CCDC197: variants seen among roughly 807,000 people sequenced by gnomAD.
CCDC197 encodes coiled-coil domain containing 197.
Under a neutral mutation model 13.4 loss-of-function variants are expected in CCDC197, and 24 were observed. The ratio of observed to expected loss-of-function variants is 1.80; its 90% CI spans 1.30 to 2.53. CCDC197 has a LOEUF of 2.53. Ranked by LOEUF, CCDC197 falls within the 30% of genes most tolerant of loss-of-function variation. CCDC197 has a pLI of 0.00. For synonymous variants in CCDC197, 99 were observed against 55.5 expected, an observed-to-expected ratio of 1.78 and a Z score of -3.48; for missense variants, 255 against 148.8, an observed-to-expected ratio of 1.71 and a Z score of -3.71.
upstream of CCDC197, among the ~76,000 whole-genome samples, chr14:93,996,390 C>T (rs61980704): frequency 0.042 from 6,374 of 152,150 alleles, 200 homozygotes; most frequent in African/African-American, 0.084. Flanking sequence ...GGGGATGAGT[C>T]CAAACCCCTG....
At chr14:93,990,598 T>G (rs952463228) in intron 1 of CCDC197, among the ~76,000 whole-genome samples, 6 of 152,138 alleles carry the variant, frequency 3.9e-5, no homozygotes, top group Non-Finnish European at 7.4e-5. Context: ...CAAGGTCAGG[T>G]AGTCCCATGG....
At chr14:93,994,291 C>T (rs1298134774), upstream of CCDC197, among the ~76,000 whole-genome samples, 3 of 152,204 alleles carry the variant, frequency 2.0e-5, no homozygotes, top group Non-Finnish European at 4.4e-5. Context: ...TCATTTTGTA[C>T]TGAGCCCCAC....
At chr14:94,009,596 G>A (rs1348696693), downstream of CCDC197, among the ~76,000 whole-genome samples, 1 of 152,158 alleles carries the variant, frequency 6.6e-6, no homozygotes, top group African/African-American at 2.4e-5. Flanking sequence ...AGACATGGTG[G>A]CACACACCTG....
At chr14:94,010,093 A>G (rs1307906008), downstream of CCDC197, among the ~76,000 whole-genome samples, 3 of 152,220 alleles carry the variant, frequency 2.0e-5, no homozygotes, top group Non-Finnish European at 4.4e-5. Flanking sequence ...GTGGGGGATA[A>G]GTCAGGCTTG....
intron 3 of CCDC197, 103 bp from the exon 4 acceptor site, chr14:94,001,042 G>T: frequency 1.6e-6 from 1 of 638,810 alleles, no homozygotes; most frequent in Non-Finnish European, 2.9e-6. Flanking sequence ...GGACTGTCTG[G>T]CACCTCTCAA....
chr14:94,001,771 A>G (rs1019722670), intron 4 of CCDC197: 2 of 153,808 alleles, frequency 1.3e-5, no homozygotes, highest in African/African-American at 4.8e-5. Context: ...TAGTTATCGC[A>G]TAATAAATAG....
intron 2 of CCDC197, 172 bp from the exon 3 acceptor site, chr14:93,999,411 G>A (rs1890420646): frequency 1.2e-5 from 7 of 590,576 alleles, no homozygotes; most frequent in Non-Finnish European, 2.1e-5. Flanking sequence ...TTGCTCAGCA[G>A]TGAAATGAAG....
In CCDC197 at chr14:94,008,846, G is replaced by C. The variant is rs983731576; in HGVS notation, c.*34G>C. The C allele has an allele frequency of 4.4e-6, 3 of 682,674 alleles. No individual in the cohort carries two copies. The highest frequency in any genetic ancestry group is 2.0e-5 in the Admixed American group (1 of 49,160). 42.3% of individuals were successfully genotyped at this position (682,674 alleles called of 1,614,324 possible). On this transcript the variant is annotated 3_prime_UTR_variant, in exon 7 of 7. Coordinates refer to ENST00000636493, the MANE Select transcript of CCDC197 (RefSeq NM_001351596.2). Reference sequence around the variant, plus strand: ...CGCCTTGCAGGCCCCATGGCATCACGACCTCTCCTTACCTGCCTGCCTCCT... The same window carrying C: ...CGCCTTGCAGGCCCCATGGCATCACCACCTCTCCTTACCTGCCTGCCTCCT...
chr14:93,988,761 TTGGGAGAGGGAATGGGAGAAGGGGA>T (rs1567039151), intron 1 of CCDC197, among the ~76,000 whole-genome samples: 1 of 28,772 alleles, frequency 3.5e-5, no homozygotes, highest in African/African-American at 1.5e-4. Context: ...GAAGGAGGGG[TTGGGAGAGGGAATGGGAGAAGGGGA>T]TGGGAGGAGA....
chr14:94,000,978 G>C lies in CCDC197; in HGVS notation c.188-167G>C, dbSNP rs572306600. Reference sequence around the variant, plus strand: ...AGGGGGCGGGAGGGCGGGGGGGCGGGTGTGGATGGCAAGCCCGGGACCATC... The same window carrying C: ...AGGGGGCGGGAGGGCGGGGGGGCGGCTGTGGATGGCAAGCCCGGGACCATC... On this transcript the variant is annotated intron_variant, in intron 3 of 6. Transcript: ENST00000636493. 233 of 422,160 alleles carry C rather than the reference G, an allele frequency of 5.5e-4. 5 individuals are homozygous for C. The highest frequency in any genetic ancestry group is 5.2e-3 in the African/African-American group (192 of 37,244). The allele number at this position is 422,160 out of a possible 1,614,324, so 26.2% of individuals were successfully genotyped here. A position where few individuals can be genotyped will look rare whatever the true frequency, so the allele number is the denominator to read the frequency against.
At chr14:94,006,701 C>G (rs572448364) in intron 6 of CCDC197, among the ~76,000 whole-genome samples, 1 of 152,182 alleles carries the variant, frequency 6.6e-6, no homozygotes, top group Admixed American at 6.5e-5. Context: ...TTTTTGCATT[C>G]TGGATACAGG....
At chr14:93,992,548 C>T (rs1312758248), upstream of CCDC197, among the ~76,000 whole-genome samples, 1 of 152,214 alleles carries the variant, frequency 6.6e-6, no homozygotes, top group Non-Finnish European at 1.5e-5. Flanking sequence ...CCCTGGTTCC[C>T]TCTGGTCAGA....
At position 94,006,065 on chromosome 14, in the gene CCDC197, G is replaced by A. The variant is rs534211824; in HGVS notation, c.615+1094G>A. Among the ~76,000 whole-genome samples, 12 of 152,220 alleles carry A rather than the reference G, an allele frequency of 7.9e-5. No homozygotes were observed. In the East Asian group the frequency reaches 1.3e-3, roughly 17 times the overall value. ...TCTCTTAACTCTATGTTTAACATTC[G>A]AAGAACTGCCAAACTCTTTTCCAAA... On this transcript the variant is annotated intron_variant, in intron 6 of 6. Coordinates refer to ENST00000636493, the MANE Select transcript of CCDC197 (RefSeq NM_001351596.2).
upstream of CCDC197, among the ~76,000 whole-genome samples, chr14:93,995,352 G>A (rs1052961285): frequency 1.3e-5 from 2 of 152,186 alleles, no homozygotes; most frequent in Admixed American, 6.5e-5. Flanking sequence ...AGACTTGGGG[G>A]TGATGGGGTT....
At position 94,004,972 on chromosome 14, in the gene CCDC197, G is replaced by C. The variant is rs1457522332; in HGVS notation, c.615+1G>C. The C allele has an allele frequency of 1.4e-5, 10 of 702,540 alleles. No homozygotes were observed. The highest frequency in any genetic ancestry group is 8.0e-5 in the Admixed American group (4 of 49,954). The allele number at this position is 702,540 out of a possible 1,614,324, so 43.5% of individuals were successfully genotyped here. The stretch of plus-strand genomic sequence containing the variant: ...CTTCTCCAAGCTCGATCTGATTAAG[G>C]TAAGGATAGACAGATGGCTGCGGGG... On this transcript the variant is annotated splice_donor_variant, in intron 6 of 6. Coordinates refer to ENST00000636493, the MANE Select transcript of CCDC197 (RefSeq NM_001351596.2). LOFTEE classifies it high-confidence loss of function.
intron 1 of CCDC197, among the ~76,000 whole-genome samples, chr14:93,989,071 T>C (rs140313769): frequency 6.6e-6 from 1 of 152,072 alleles, no homozygotes; most frequent in African/African-American, 2.4e-5. Context: ...TTGGGGTCCA[T>C]GCGAGAGATG....
intron 5 of CCDC197, 93 bp from the exon 6 acceptor site, chr14:94,004,762 C>T (rs960821242): frequency 3.3e-5 from 22 of 664,180 alleles, no homozygotes; most frequent in African/African-American, 8.8e-5. Flanking sequence ...CAGCTCTGTC[C>T]ACGACACTTC....
chr14:93,995,810 C>T (rs1677390753), upstream of CCDC197, among the ~76,000 whole-genome samples: 1 of 152,180 alleles, frequency 6.6e-6, no homozygotes, highest in Admixed American at 6.5e-5. Flanking sequence ...CTGCACCTCC[C>T]TACAGCCTCC....
intron 1 of CCDC197, among the ~76,000 whole-genome samples, chr14:93,988,542 G>T (rs1595346014): frequency 1.8e-4 from 1 of 5,610 alleles, no homozygotes; most frequent in East Asian, 3.7e-3. Context: ...GAGAGGAGAT[G>T]GGAGAGGGGA....
Sources: allele counts gnomAD v4.1 joint callset (sites outside exome capture counted in the v4.1 genomes callset), GRCh38; gene constraint gnomAD v4.1.1; transcripts MANE v1.5; gene names NCBI Gene and HGNC (gene_info 2026-07-23, HGNC 2026-07-21).